STX8: variants seen among roughly 807,000 people sequenced by gnomAD.
STX8 encodes the protein syntaxin 8.
A neutral mutation model predicts 37.5 loss-of-function variants in STX8; 23 were observed. The observed-to-expected ratio is 0.61, with a 90% CI of 0.44 to 0.87. The LOEUF is 0.87. Ranked by LOEUF, STX8 falls within the 40% of genes least tolerant of loss-of-function variation. The pLI, the probability that STX8 is intolerant of heterozygous loss-of-function variation, is 0.00. For missense variants in STX8, 313 were observed against 284.7 expected (o/e 1.10, Z -0.71); for synonymous variants, 115 against 99.1 (o/e 1.16, Z -0.95).
intron 4 of STX8, among the ~76,000 whole-genome samples, chr17:9,532,959 AT>A (rs1011291676): frequency 5.3e-5 from 8 of 152,286 alleles, no homozygotes; most frequent in East Asian, 1.9e-4. Context: ...TATATTCCAA[AT>A]TTTTTTTATC....
rs867214266 is a variant in STX8 at position 9,506,736 on chromosome 17, A to T, written c.324-1574T>A. ...CCCAGTCCTTGCAAGTTCTGAGCCC[A>T]GTTTGGAGAGCTGCTGGGAATTCGT... On this transcript the variant is annotated intron_variant, in intron 4 of 7. Transcript: ENST00000306357. Among the ~76,000 whole-genome samples the T allele has an allele frequency of 3.3e-5, 5 of 152,238 alleles. 1 individual carries two copies. In the Middle Eastern group the frequency reaches 0.014, roughly 414 times the overall value.
At chr17:9,330,105 A>C (rs1909913056) in intron 7 of STX8, among the ~76,000 whole-genome samples, 1 of 152,148 alleles carries the variant, frequency 6.6e-6, no homozygotes. Context: ...GGGAGAGAGA[A>C]ACAGGAGGCA....
intron 6 of STX8, among the ~76,000 whole-genome samples, chr17:9,403,059 G>A (rs1224409315): frequency 6.6e-6 from 1 of 152,106 alleles, no homozygotes; most frequent in Non-Finnish European, 1.5e-5. Flanking sequence ...AAGAGACAAA[G>A]GGCATTGTAG....
intron 6 of STX8, among the ~76,000 whole-genome samples, chr17:9,422,922 G>A (rs1365297349): frequency 3.3e-5 from 5 of 152,220 alleles, no homozygotes; most frequent in Non-Finnish European, 1.5e-5. Context: ...TTAGAGGACT[G>A]GTTAAATTAC....
rs2142258685 is a variant in STX8 at position 9,360,497 on chromosome 17, A to AC, written c.643+18054_643+18055insG. Among the ~76,000 whole-genome samples the AC allele has an allele frequency of 2.0e-5, 3 of 151,952 alleles. No homozygotes were observed. The South Asian group carries it at 6.3e-4, about 32-fold the overall frequency. ...GTGATCTGCCTGCCTCGGCCTCCCAAAGTGCTGGGATTACAGTGTTGAGCT... is the reference window on the plus strand; with the variant it reads ...GTGATCTGCCTGCCTCGGCCTCCCAACAGTGCTGGGATTACAGTGTTGAGCT... On this transcript the variant is annotated intron_variant, in intron 7 of 7. Coordinates refer to ENST00000306357, the MANE Select transcript of STX8 (RefSeq NM_004853.3).
Position 9,528,879 on chromosome 17 carries a change from G to C in STX8, c.323+16293C>G, listed in dbSNP as rs148066507. Among the ~76,000 whole-genome samples, 395 of 152,048 alleles carry C rather than the reference G, an allele frequency of 2.6e-3. 3 individuals are homozygous for C. The highest frequency in any genetic ancestry group is 9.0e-3 in the African/African-American group (374 of 41,484). On this transcript the variant is annotated intron_variant, in intron 4 of 7. Transcript: ENST00000306357. ...TCATGCATATTTTTCCAGAGGGAAAGAGAAATACAAGAGAAAAATATGAAA... is the reference window on the plus strand; with the variant it reads ...TCATGCATATTTTTCCAGAGGGAAACAGAAATACAAGAGAAAAATATGAAA...
intron 7 of STX8, among the ~76,000 whole-genome samples, chr17:9,368,204 TAGAA>T (rs1169150955): frequency 2.0e-5 from 3 of 151,930 alleles, no homozygotes; most frequent in Non-Finnish European, 2.9e-5. Context: ...TCTGAAGACA[TAGAA>T]AGAAAACATT....
At position 9,353,412 on chromosome 17, in the gene STX8, A is replaced by C. The variant is rs926800093; in HGVS notation, c.643+25140T>G. Among the ~76,000 whole-genome samples, 4 of 152,262 alleles carry C rather than the reference A, an allele frequency of 2.6e-5. No homozygotes were observed. The East Asian group carries it at 7.7e-4, about 29-fold the overall frequency. On this transcript the variant is annotated intron_variant, in intron 7 of 7. Coordinates refer to ENST00000306357, the MANE Select transcript of STX8 (RefSeq NM_004853.3). ...GAACTGGGTGTAAACTGTGCTCATT[A>C]CTACAGGAGTATCACTGCTTCTACA... is the stretch of plus-strand genomic sequence containing the variant.
rs191590218 is a variant in STX8, at chr17:9,547,417, C to T, written c.213-2135G>A. The T allele has an allele frequency of 5.1e-3, 774 of 151,912 alleles. 3 individuals carry two copies. Among genetic ancestry groups the T allele is most frequent in the Middle Eastern group, 6.8e-3 (2 of 292 alleles). The allele number at this position is 151,912 out of a possible 1,614,324, so 9.4% of individuals were successfully genotyped here. A position where few individuals can be genotyped will look rare whatever the true frequency, so the allele number is the denominator to read the frequency against. Reference sequence around the variant, plus strand: ...CCAGCAGGTCAAGGCAGGTGGATCACGAGGTCAGGAGTTCGAGACCAGCCT... The same window carrying T: ...CCAGCAGGTCAAGGCAGGTGGATCATGAGGTCAGGAGTTCGAGACCAGCCT... On this transcript the variant is annotated intron_variant, in intron 3 of 7. Coordinates refer to ENST00000306357, the MANE Select transcript of STX8 (RefSeq NM_004853.3).
At chr17:9,337,403 G>A (rs970663934) in intron 7 of STX8, among the ~76,000 whole-genome samples, 4 of 151,976 alleles carry the variant, frequency 2.6e-5, no homozygotes, top group Admixed American at 6.6e-5. Context: ...TTTTGAGATC[G>A]AGTCTCATTC....
chr17:9,524,164 G>A (rs1251795227), intron 4 of STX8, among the ~76,000 whole-genome samples: 1 of 152,180 alleles, frequency 6.6e-6, no homozygotes, highest in Non-Finnish European at 1.5e-5. Flanking sequence ...AAAAAGACAG[G>A]ATTCAAGAAG....
intron 7 of STX8, among the ~76,000 whole-genome samples, chr17:9,347,840 C>G (rs1297296719): frequency 1.3e-5 from 2 of 152,200 alleles, no homozygotes; most frequent in Non-Finnish European, 2.9e-5. Flanking sequence ...AGCTTTCTGT[C>G]TCTATAGATT....
At chr17:9,499,188 G>T (rs77402229) in intron 5 of STX8, among the ~76,000 whole-genome samples, 2,146 of 152,198 alleles carry the variant, frequency 0.014, 52 homozygotes, top group African/African-American at 0.049. Flanking sequence ...GGGATTCCAC[G>T]GGCTAAAGGA....
intron 6 of STX8, among the ~76,000 whole-genome samples, chr17:9,457,317 T>C (rs1905210728): frequency 6.6e-6 from 1 of 152,206 alleles, no homozygotes; most frequent in Non-Finnish European, 1.5e-5. Flanking sequence ...AGAATCCATT[T>C]CCTTGCCTTT....
intron 7 of STX8, among the ~76,000 whole-genome samples, chr17:9,272,879 T>G (rs979412879): frequency 6.6e-6 from 1 of 152,202 alleles, no homozygotes; most frequent in Non-Finnish European, 1.5e-5. Context: ...CGCCCCTCTT[T>G]CCCCACTGCC....
intron 6 of STX8, among the ~76,000 whole-genome samples, chr17:9,478,834 C>T (rs866650211): frequency 2.0e-5 from 3 of 152,162 alleles, no homozygotes; most frequent in Non-Finnish European, 4.4e-5. Context: ...GTTTTCCCTG[C>T]GACTCTTCAC....
intron 6 of STX8, among the ~76,000 whole-genome samples, chr17:9,415,035 C>T (rs1190845195): frequency 6.6e-6 from 1 of 152,030 alleles, no homozygotes; most frequent in Non-Finnish European, 1.5e-5. Context: ...AGGTGGCCCA[C>T]CCGCCTCGGC....
intron 6 of STX8, among the ~76,000 whole-genome samples, chr17:9,386,665 TC>T (rs1432993809): frequency 1.3e-5 from 2 of 152,148 alleles, no homozygotes; most frequent in Admixed American, 6.5e-5. Context: ...ACCTTGTAGT[TC>T]CTTCCCCTTT....
intron 6 of STX8, among the ~76,000 whole-genome samples, chr17:9,462,660 T>G (rs566662614): frequency 6.6e-6 from 1 of 151,316 alleles, no homozygotes; most frequent in Non-Finnish European, 1.5e-5. Flanking sequence ...AAGGTGGAGG[T>G]TGCAGTGAGC....
Sources: allele counts gnomAD v4.1 joint callset (sites outside exome capture counted in the v4.1 genomes callset), GRCh38; gene constraint gnomAD v4.1.1; transcripts MANE v1.5; gene names NCBI Gene and HGNC (gene_info 2026-07-23, HGNC 2026-07-21).